KANSL1: variants seen among roughly 807,000 people sequenced by gnomAD.
KANSL1 encodes MLL1/MLL complex subunit KANSL1.
KANSL1 carries 22 observed loss-of-function variants against 103.6 expected under a neutral mutation model. The ratio of observed to expected loss-of-function variants is 0.21; its 90% CI spans 0.15 to 0.30. The LOEUF is 0.30. Among genes scored for constraint, KANSL1 ranks in the 10% least tolerant of loss-of-function variants. The pLI is 1.00. For synonymous variants in KANSL1, 600 were observed against 527.6 expected (o/e 1.14, Z -1.88); for missense variants, 1,337 against 1,399.8 (o/e 0.96, Z 0.72).
At chr17:46,045,129 G>A (rs1330022931) in intron 7 of KANSL1, 2 of 152,160 alleles carry the variant, frequency 1.3e-5, no homozygotes, top group Non-Finnish European at 2.9e-5. Context: ...ACAGTCGTAT[G>A]CCAAGCTGCT....
chr17:46,105,923 AC>A (rs1567680521), intron 2 of KANSL1, among the ~76,000 whole-genome samples: 69 of 102,902 alleles, frequency 6.7e-4, no homozygotes, highest in Middle Eastern at 4.3e-3. Flanking sequence ...ACACACACAC[AC>A]ACACACACAC....
At chr17:46,072,383 A>G (rs2078610766) in intron 4 of KANSL1, among the ~76,000 whole-genome samples, 1 of 152,196 alleles carries the variant, frequency 6.6e-6, no homozygotes, top group Non-Finnish European at 1.5e-5. Flanking sequence ...TCGTTTGGCT[A>G]GAAAAGTCAA....
chr17:46,123,618 C>T (rs2043383563), intron 2 of KANSL1, among the ~76,000 whole-genome samples: 1 of 152,186 alleles, frequency 6.6e-6, no homozygotes, highest in African/African-American at 2.4e-5. Flanking sequence ...ATAGATCAAA[C>T]CAGCCACAAC....
At chr17:46,191,264 A>G in intron 1 of KANSL1, among the ~76,000 whole-genome samples, 1 of 152,268 alleles carries the variant, frequency 6.6e-6, no homozygotes, top group East Asian at 1.9e-4. Context: ...AAATACACTT[A>G]GCATTAGGCA....
intron 2 of KANSL1, among the ~76,000 whole-genome samples, chr17:46,162,747 C>A (rs897074679): frequency 1.2e-4 from 18 of 152,338 alleles, no homozygotes; most frequent in South Asian, 2.1e-4. Context: ...ATCATGTAAG[C>A]CATGTCAATG....
At chr17:46,069,384 C>T (rs2078495410) in intron 4 of KANSL1, among the ~76,000 whole-genome samples, 1 of 152,102 alleles carries the variant, frequency 6.6e-6, no homozygotes, top group African/African-American at 2.4e-5. Context: ...TTTCTTTTGT[C>T]TTTATACCCC....
At chr17:46,221,205 T>A (rs1268850674) in intron 1 of KANSL1, 1 of 152,064 alleles carries the variant, frequency 6.6e-6, no homozygotes, top group Non-Finnish European at 1.5e-5. Context: ...AGTTTTTACT[T>A]CATTTCACCA....
intron 1 of KANSL1, among the ~76,000 whole-genome samples, chr17:46,177,592 C>G (rs1422892530): frequency 2.0e-5 from 3 of 152,164 alleles, no homozygotes; most frequent in African/African-American, 7.2e-5. Flanking sequence ...AAACAAAACA[C>G]AGTATCATCT....
chr17:46,213,104 T>C (rs557086080), intron 1 of KANSL1, among the ~76,000 whole-genome samples: 1 of 151,316 alleles, frequency 6.6e-6, no homozygotes, highest in Non-Finnish European at 1.5e-5. Context: ...ACAGATAAAT[T>C]ACCACCACCA....
intron 2 of KANSL1, among the ~76,000 whole-genome samples, chr17:46,099,782 T>C (rs963173895): frequency 2.6e-5 from 4 of 152,288 alleles, no homozygotes; most frequent in African/African-American, 4.8e-5. Flanking sequence ...ATACTGTAGT[T>C]ATCACCTGAG....
chr17:46,190,918 C>T (rs2047284939), intron 1 of KANSL1, among the ~76,000 whole-genome samples: 1 of 152,206 alleles, frequency 6.6e-6, no homozygotes, highest in African/African-American at 2.4e-5. Context: ...ACACATCACA[C>T]TGCACATATC....
chr17:46,102,533 A>G (rs1019811130), intron 2 of KANSL1, among the ~76,000 whole-genome samples: 2 of 152,226 alleles, frequency 1.3e-5, no homozygotes, highest in Non-Finnish European at 2.9e-5. Context: ...TACAGGTGTG[A>G]GCCACAGCAC....
chr17:46,071,361 T>C (rs1237183566), intron 4 of KANSL1, among the ~76,000 whole-genome samples: 1 of 152,204 alleles, frequency 6.6e-6, no homozygotes, highest in Non-Finnish European at 1.5e-5. Flanking sequence ...AATTCTGTAA[T>C]CAAGCTAGTA....
intron 2 of KANSL1, among the ~76,000 whole-genome samples, chr17:46,157,971 ATAGTTG>A (rs2045520592): frequency 6.6e-6 from 1 of 152,276 alleles, no homozygotes; most frequent in Admixed American, 6.5e-5. Context: ...TAGAGAAAGA[ATAGTTG>A]TAGCAATTCA....
intron 2 of KANSL1, among the ~76,000 whole-genome samples, chr17:46,152,647 C>A (rs912013809): frequency 5.9e-5 from 9 of 151,636 alleles, no homozygotes; most frequent in African/African-American, 2.2e-4. Flanking sequence ...GAGCAGGTGT[C>A]AGACTGACAC....
chr17:46,147,691 A>C (rs1421980384), intron 2 of KANSL1, among the ~76,000 whole-genome samples: 1 of 152,192 alleles, frequency 6.6e-6, no homozygotes, highest in East Asian at 1.9e-4. Flanking sequence ...CAACTTAACA[A>C]ATATTTCAAA....
chr17:46,213,127 TA>T (rs35446435), intron 1 of KANSL1, among the ~76,000 whole-genome samples: 3 of 151,940 alleles, frequency 2.0e-5, no homozygotes, highest in African/African-American at 7.3e-5. Flanking sequence ...AAGTGCCCAG[TA>T]AAAAAAAGTG....
intron 7 of KANSL1, among the ~76,000 whole-genome samples, chr17:46,047,911 C>CT (rs1568384927): frequency 3.2e-4 from 48 of 150,074 alleles, no homozygotes; most frequent in Non-Finnish European, 1.5e-4. Flanking sequence ...CCCTTCCCCA[C>CT]TCCCCCCGCC....
At chr17:46,158,601 A>T (rs2045564277) in intron 2 of KANSL1, among the ~76,000 whole-genome samples, 2 of 152,250 alleles carry the variant, frequency 1.3e-5, no homozygotes, top group South Asian at 4.1e-4. Context: ...AGTGCAGTGG[A>T]GCAATCTCAG....
Sources: gnomAD v4.1 joint callset for allele counts (sites outside exome capture counted in the v4.1 genomes callset) on GRCh38, gnomAD v4.1.1 for gene constraint, MANE v1.5 for transcripts, NCBI Gene and HGNC (gene_info 2026-07-23, HGNC 2026-07-21) for gene names.